Variants in GRHL1 observed in about 807,000 individuals in gnomAD.
GRHL1 encodes grainyhead like transcription factor 1.
A neutral mutation model predicts 75.7 loss-of-function variants in GRHL1; 38 were observed. The ratio of observed to expected loss-of-function variants is 0.50; its 90% CI spans 0.39 to 0.66. GRHL1 has a LOEUF of 0.66. Ranked by LOEUF, GRHL1 falls within the 30% of genes least tolerant of loss-of-function variation. The pLI, the probability that GRHL1 is intolerant of heterozygous loss-of-function variation, is 0.00. For missense variants in GRHL1, 589 were observed against 767.5 expected (o/e 0.77, Z 2.75); for synonymous variants, 266 against 279.4 (o/e 0.95, Z 0.48).
At chr2:9,984,280 G>A (rs1036275890) in intron 8 of GRHL1, among the ~76,000 whole-genome samples, 4 of 152,160 alleles carry the variant, frequency 2.6e-5, no homozygotes, top group Non-Finnish European at 5.9e-5. Context: ...ATTCTTGGCT[G>A]TTGACCCAGG....
rs1343448207 is a variant in GRHL1 at position 9,968,523 on chromosome 2, T to C, written c.1110+3142T>C. Among the ~76,000 whole-genome samples the C allele has an allele frequency of 6.6e-6, 1 of 152,224 alleles. No homozygotes were observed. The highest frequency in any genetic ancestry group is 1.5e-5 in the Non-Finnish European group (1 of 68,040). ...GCGTTCACATTTCATTGTGAAATAA[T>C]CAGTATTCTTCCTGATGCACAGCTG... On this transcript the variant is annotated intron_variant, in intron 8 of 15. Coordinates refer to ENST00000324907, the MANE Select transcript of GRHL1 (RefSeq NM_198182.3). This position sits in a 1 kb window ranked among gnomAD's most constrained non-coding sequence, Gnocchi z 4.7.
chr2:9,969,132 C>A (rs1667605840), intron 8 of GRHL1, among the ~76,000 whole-genome samples: 2 of 152,174 alleles, frequency 1.3e-5, no homozygotes, highest in African/African-American at 4.8e-5. Flanking sequence ...AGTTGTAAAT[C>A]TTAAGAGTCT....
At position 9,953,975 on chromosome 2, in the gene GRHL1, A is replaced by C. The variant is rs141598211; in HGVS notation, c.21-940A>C. Among the ~76,000 whole-genome samples, 343 of 152,370 alleles carry C rather than the reference A, an allele frequency of 2.3e-3. 2 individuals are homozygous for C. Among genetic ancestry groups the C allele is most frequent in the Non-Finnish European group, 3.5e-3 (235 of 68,038 alleles). On this transcript the variant is annotated intron_variant, in intron 1 of 15. Transcript: ENST00000324907. Reference sequence around the variant, plus strand: ...TCTCTTTATTGACTTATTAAATAGTACCAACCGAACAGTTGTTGAGACTGT... The same window carrying C: ...TCTCTTTATTGACTTATTAAATAGTCCCAACCGAACAGTTGTTGAGACTGT...
intron 8 of GRHL1, among the ~76,000 whole-genome samples, chr2:9,984,874 C>T (rs730922): frequency 0.25 from 37,407 of 149,942 alleles, 5,051 homozygotes; most frequent in African/African-American, 0.35. Flanking sequence ...CCAGCCTGGG[C>T]AACATAGTGG....
chr2:10,000,890 TTG>T lies in GRHL1; in HGVS notation c.*184_*185del. On this transcript the variant is annotated 3_prime_UTR_variant, in exon 16 of 16. Coordinates refer to ENST00000324907, the MANE Select transcript of GRHL1 (RefSeq NM_198182.3). ...TGGTGGTAGCATTTAATCTATTGCA[TTG>T]GTGTTTTTCAGATGAAAGAGAAATC... is the stretch of plus-strand genomic sequence containing the variant. 2.2e-6 allele frequency: 1 copy of T among 462,734 alleles called. No homozygotes were observed. The highest frequency in any genetic ancestry group is 3.8e-6 in the Non-Finnish European group (1 of 261,922). The allele number at this position is 462,734 out of a possible 1,614,324, so 28.7% of individuals were successfully genotyped here. A position where few individuals can be genotyped will look rare whatever the true frequency, so the allele number is the denominator to read the frequency against.
At chr2:10,000,459 T>TGAG in intron 15 of GRHL1, 134 bp from the exon 16 acceptor site, 1 of 615,422 alleles carries the variant, frequency 1.6e-6, no homozygotes, top group East Asian at 2.6e-5. Context: ...ATGAGGAAGT[T>TGAG]GAGGCTTAAG....
At chr2:9,954,854 G>A in intron 1 of GRHL1, 61 bp from the exon 2 acceptor site, 1 of 1,312,906 alleles carries the variant, frequency 7.6e-7, no homozygotes, top group Non-Finnish European at 1.1e-6. Context: ...GGAATTGGTA[G>A]CTTATGATAC....
intron 7 of GRHL1, 168 bp from the exon 8 acceptor site, chr2:9,965,117 CTG>C: frequency 1.9e-6 from 1 of 530,750 alleles, no homozygotes; most frequent in Non-Finnish European, 3.4e-6. Flanking sequence ...TACAAAAACT[CTG>C]TGATTCTTTT....
chr2:9,995,641 G>C (rs1441877923), intron 12 of GRHL1, among the ~76,000 whole-genome samples: 2 of 151,904 alleles, frequency 1.3e-5, no homozygotes, highest in Non-Finnish European at 2.9e-5. Flanking sequence ...TTTATCTGAT[G>C]AGAGTGCAGA....
intron 8 of GRHL1, among the ~76,000 whole-genome samples, chr2:9,985,498 T>C (rs1229105935): frequency 6.6e-6 from 1 of 152,188 alleles, no homozygotes; most frequent in Non-Finnish European, 1.5e-5. Flanking sequence ...TAATTGTAAA[T>C]TACAAATCAT....
rs1338680544 is a variant in GRHL1, at chr2:9,992,048, A to G, written c.1363A>G (p.Met455Val). The G allele has an allele frequency of 3.7e-6, 6 of 1,611,550 alleles. No individual in the cohort carries two copies. Among genetic ancestry groups the G allele is most frequent in the Non-Finnish European group, 4.2e-6 (5 of 1,178,496 alleles). Residue 455 changes from methionine to valine, a missense_variant, in exon 11 of 16, where the codon ATG becomes GTG. Physicochemically the swap from Met to Val is conservative, Grantham distance 21. Coordinates refer to ENST00000324907, the MANE Select transcript of GRHL1 (RefSeq NM_198182.3). This position sits in a 1 kb window ranked among gnomAD's most constrained non-coding sequence, Gnocchi z 4.6. ...KVPLLPSHKR[M>V]DITVFKPFID... Reference sequence around the variant, plus strand: ...GCCACTGCTTCCCTCTCACAAGCGAATGGATATCACAGTTTTCAAACCCTT... The same window carrying G: ...GCCACTGCTTCCCTCTCACAAGCGAGTGGATATCACAGTTTTCAAACCCTT...
intron 8 of GRHL1, among the ~76,000 whole-genome samples, chr2:9,982,627 G>T (rs560944877): frequency 1.3e-5 from 2 of 152,282 alleles, no homozygotes; most frequent in East Asian, 3.9e-4. Flanking sequence ...CTGAGTTTTC[G>T]GATTCAGTGA....
Position 9,986,279 on chromosome 2 carries a change from C to T in GRHL1, c.1266C>T (p.Asp422=). ...ACTGCCAGATCAAGGTCTTCTGTGA[C>T]AAGGTAAGATCGGCAGGGATGCTTG... The part of the protein sequence containing the change: ...RAYCQIKVFC[D]KGAERKIRDE... Residue 422 remains aspartate (D), a synonymous_variant, in exon 9 of 16, where the codon GAC becomes GAT. Transcript: ENST00000324907. 6.2e-7 allele frequency: 1 copy of T among 1,612,792 alleles called. No homozygotes were observed. The highest frequency in any genetic ancestry group is 8.5e-7 in the Non-Finnish European group (1 of 1,179,360).
At position 9,998,865 on chromosome 2, in the gene GRHL1, TATATATATGTAC is replaced by T. The variant is rs1558321755; in HGVS notation, c.1678-98_1678-87del. On this transcript the variant is annotated intron_variant, in intron 14 of 15. Coordinates refer to ENST00000324907, the MANE Select transcript of GRHL1 (RefSeq NM_198182.3). Reference sequence around the variant, plus strand: ...ATATATATGTACACATATATATACGTATATATATGTACACATATATATACATATATATATATT... The same window carrying T: ...ATATATATGTACACATATATATACGTACATATATATACATATATATATATT... 6.9e-4 allele frequency: 87 copies of T among 126,202 alleles called. 18 individuals carry two copies. The highest frequency in any genetic ancestry group is 4.4e-3 in the Middle Eastern group (2 of 450). The allele number at this position is 126,202 out of a possible 1,614,324, so 7.8% of individuals were successfully genotyped here. A position where few individuals can be genotyped will look rare whatever the true frequency, so the allele number is the denominator to read the frequency against.
chr2:9,956,390 A>G (rs1222910897), intron 2 of GRHL1, among the ~76,000 whole-genome samples: 9 of 152,158 alleles, frequency 5.9e-5, no homozygotes. Context: ...CGGTTAGTAC[A>G]CATGCCTATA....
chr2:10,001,776 A>G lies in GRHL1; in HGVS notation c.*1069A>G, dbSNP rs541542246. 5 of 152,404 alleles carry G rather than the reference A, an allele frequency of 3.3e-5. No homozygotes were observed. The highest frequency in any genetic ancestry group is 7.2e-5 in the African/African-American group (3 of 41,592). The allele number at this position is 152,404 out of a possible 1,614,324, so 9.4% of individuals were successfully genotyped here. A position where few individuals can be genotyped will look rare whatever the true frequency, so the allele number is the denominator to read the frequency against. On this transcript the variant is annotated 3_prime_UTR_variant, in exon 16 of 16. Transcript: ENST00000324907. ...GCACTTAGAGTGAAGAAACACTGTA[A>G]TTACAGCACACAGATTGCAAGTATT...
chr2:9,962,106 A>T (rs1396054755), intron 4 of GRHL1, among the ~76,000 whole-genome samples: 1 of 152,146 alleles, frequency 6.6e-6, no homozygotes, highest in Non-Finnish European at 1.5e-5. Context: ...TTAACTTGGT[A>T]TAATGATAGG....
chr2:9,998,934 G>C, intron 14 of GRHL1, 31 bp from the exon 15 acceptor site: 1 of 1,202,778 alleles, frequency 8.3e-7, no homozygotes, highest in Non-Finnish European at 1.2e-6. Flanking sequence ...TTGATACAGG[G>C]TTTTGTAATT....
intron 10 of GRHL1, 130 bp from the exon 11 acceptor site, chr2:9,991,877 C>A: frequency 1.7e-6 from 1 of 579,746 alleles, no homozygotes; most frequent in Non-Finnish European, 2.9e-6. Context: ...AGGCAGCGTG[C>A]CCTGTTGTAT....
Sources: allele counts gnomAD v4.1 joint callset (sites outside exome capture counted in the v4.1 genomes callset), GRCh38; gene constraint gnomAD v4.1.1; non-coding constraint Gnocchi (gnomAD v3.1); transcripts MANE v1.5; gene names NCBI Gene and HGNC (gene_info 2026-07-23, HGNC 2026-07-21).